The following NFX1 variants were observed in gnomAD, a reference collection of about 807,000 sequenced individuals.
NFX1 encodes the protein transcriptional repressor NF-X1.
A neutral mutation model predicts 137.2 loss-of-function variants in NFX1; 69 were observed. The ratio of observed to expected loss-of-function variants is 0.50; its 90% CI spans 0.41 to 0.61. The LOEUF is 0.61. NFX1 is among the 20% of genes least tolerant of loss of function. The probability of loss-of-function intolerance (pLI) is 0.00; values close to 1 mark genes in which losing one functional copy is unlikely to be tolerated. For synonymous variants in NFX1, 495 were observed against 474.1 expected, an observed-to-expected ratio of 1.04 and a Z score of -0.57; for missense variants, 1,167 against 1,391.0, an observed-to-expected ratio of 0.84 and a Z score of 2.56.
At chr9:33,311,757 T>G (rs1488700457) in intron 6 of NFX1, among the ~76,000 whole-genome samples, 3 of 152,200 alleles carry the variant, frequency 2.0e-5, no homozygotes, top group Non-Finnish European at 4.4e-5. Flanking sequence ...TTCACCATCT[T>G]GGCCAGGCTG....
At chr9:33,299,911 A>G (rs1193439673) in intron 2 of NFX1, among the ~76,000 whole-genome samples, 1 of 152,120 alleles carries the variant, frequency 6.6e-6, no homozygotes, top group East Asian at 1.9e-4. Context: ...TAGGAGAGCC[A>G]ATATTATGGA....
Position 33,344,065 on chromosome 9 carries a change from C to T in NFX1, c.2225-4C>T. Reference sequence around the variant, plus strand: ...TTCTTTTGTTTTACCTGCTGCTCCACCAGGTTTTGATGAATTAACCTGCCA... The same window carrying T: ...TTCTTTTGTTTTACCTGCTGCTCCATCAGGTTTTGATGAATTAACCTGCCA... On this transcript the variant is annotated splice_region_variant and splice_polypyrimidine_tract_variant and intron_variant, in intron 13 of 23. Coordinates refer to ENST00000379540, the MANE Select transcript of NFX1 (RefSeq NM_002504.6). The T allele has an allele frequency of 1.9e-6, 3 of 1,613,912 alleles. No homozygotes were observed. Among genetic ancestry groups the T allele is most frequent in the Non-Finnish European group, 2.5e-6 (3 of 1,179,864 alleles).
chr9:33,367,517 G>A lies in NFX1; in HGVS notation c.3188G>A (p.Gly1063Glu). ...KRNVVVTAIRGKSVCPPTTLT... is the reference protein window; with the variant it reads ...KRNVVVTAIREKSVCPPTTLT... ...CTTGGTGTTTTGACTTTTATCAGGG[G>A]GAAGTCCGTTTGTCCTCCTACCACG... The change falls in exon 23 of 24, where the codon GGG becomes GAG. Residue 1063 changes from glycine (G) to glutamate (E), a missense_variant and splice_region_variant. This residue lies in a region of NFX1 where 312 missense variants were observed against 312.8 expected (regional missense o/e 1.00). Coordinates refer to ENST00000379540, the MANE Select transcript of NFX1 (RefSeq NM_002504.6). 5 of 1,613,704 alleles carry A rather than the reference G, an allele frequency of 3.1e-6. No homozygotes were observed. Among genetic ancestry groups the A allele is most frequent in the Non-Finnish European group, 4.2e-6 (5 of 1,179,750 alleles).
intron 19 of NFX1, among the ~76,000 whole-genome samples, chr9:33,363,033 G>A (rs944515796): frequency 1.3e-5 from 2 of 151,830 alleles, no homozygotes; most frequent in Admixed American, 6.6e-5. Flanking sequence ...GCACACTGGG[G>A]TGATGATGGT....
rs138409735 is a variant in NFX1, at chr9:33,343,112, A to G, written c.2224+258A>G. On this transcript the variant is annotated intron_variant, in intron 13 of 23. Transcript: ENST00000379540. ...ATTCCTTCTCTGCTACATGCCTCAT[A>G]TGTGTTATTGACCTAGGTTCTGTCC... Among the ~76,000 whole-genome samples, 1,196 of 152,206 alleles carry G rather than the reference A, an allele frequency of 7.9e-3. 16 individuals are homozygous for G. Among genetic ancestry groups the G allele is most frequent in the African/African-American group, 0.027 (1,116 of 41,518 alleles).
chr9:33,327,086 A>G (rs1564122824), intron 9 of NFX1, among the ~76,000 whole-genome samples: 1 of 152,262 alleles, frequency 6.6e-6, no homozygotes, highest in African/African-American at 2.4e-5. Context: ...ATAACAAAAA[A>G]GACATGAGAC....
intron 21 of NFX1, among the ~76,000 whole-genome samples, chr9:33,366,242 A>C (rs1824165591): frequency 6.6e-6 from 1 of 152,166 alleles, no homozygotes; most frequent in South Asian, 2.1e-4. Flanking sequence ...CACGATTTTT[A>C]AAGTAGAACA....
Position 33,366,745 on chromosome 9 carries a change from G to T in NFX1, c.3156G>T (p.Pro1052=). ...GLESVSYDSE[P]KRNVVVTAIR... ...AGAGCGTGAGCTATGACAGTGAACCGAAGCGCAATGTGGTGGTCACTGCCA... is the reference window on the plus strand; with the variant it reads ...AGAGCGTGAGCTATGACAGTGAACCTAAGCGCAATGTGGTGGTCACTGCCA... Residue 1052 remains proline (P), a synonymous_variant, in exon 22 of 24, where the codon CCG becomes CCT. Coordinates refer to ENST00000379540, the MANE Select transcript of NFX1 (RefSeq NM_002504.6). 1 of 1,614,146 alleles carries T rather than the reference G, an allele frequency of 6.2e-7. No homozygotes were observed. The highest frequency in any genetic ancestry group is 1.1e-5 in the South Asian group (1 of 91,076).
chr9:33,366,865 A>G, intron 22 of NFX1, 91 bp downstream of exon 22: 1 of 1,422,138 alleles, frequency 7.0e-7, no homozygotes, highest in Admixed American at 2.3e-5. Context: ...CTTTCTTACT[A>G]CCACTCTCCC....
Position 33,354,861 on chromosome 9 carries a change from G to A in NFX1, c.2842G>A (p.Asp948Asn). 1 of 1,613,944 alleles carries A rather than the reference G, an allele frequency of 6.2e-7. No homozygotes were observed. The highest frequency in any genetic ancestry group is 1.1e-5 in the South Asian group (1 of 91,044). The change falls in exon 19 of 24, where the codon GAT (aspartate) becomes AAT (asparagine). Residue 948 changes from aspartate (D) to asparagine (N), a missense_variant. Physicochemically the swap from Asp to Asn is conservative, Grantham distance 23 (BLOSUM62 1). Transcript: ENST00000379540. The stretch of plus-strand genomic sequence containing the variant: ...CATTTGCTTATCAAGGCTGGAGTGT[G>A]ATGAGGAGTGTTCAGCCTTGGAAAG... ...KEVHQARLEC[D>N]EECSALERKK...
Position 33,363,437 on chromosome 9 carries a change from C to T in NFX1, c.2874-573C>T, listed in dbSNP as rs1450773915. ...CAGCTAGGATTACAGGCACGTGCTA[C>T]CACACCCGGCTAATTTTTGTATTTT... On this transcript the variant is annotated intron_variant, in intron 19 of 23. Coordinates refer to ENST00000379540, the MANE Select transcript of NFX1 (RefSeq NM_002504.6). Among the ~76,000 whole-genome samples, 7 of 151,884 alleles carry T rather than the reference C, an allele frequency of 4.6e-5. No homozygotes were observed. The East Asian group carries it at 1.4e-3, about 29-fold the overall frequency.
chr9:33,337,833 G>A (rs1823063756), intron 11 of NFX1, among the ~76,000 whole-genome samples: 1 of 152,186 alleles, frequency 6.6e-6, no homozygotes, highest in Non-Finnish European at 1.5e-5. Flanking sequence ...TGAATCACCT[G>A]AGGTCAGGTG....
rs148888179 is a variant in NFX1, at chr9:33,367,551, T to C, written c.3222T>C (p.Gly1074=). The change falls in exon 23 of 24, where the codon GGT becomes GGC. Residue 1074 remains glycine (G), a synonymous_variant. Coordinates refer to ENST00000379540, the MANE Select transcript of NFX1 (RefSeq NM_002504.6). Reference sequence around the variant, plus strand: ...TTTGTCCTCCTACCACGCTGACAGGTGTGCTTGAAAGGGAAATGCAGGCAC... The same window carrying C: ...TTTGTCCTCCTACCACGCTGACAGGCGTGCTTGAAAGGGAAATGCAGGCAC... ...KSVCPPTTLT[G]VLEREMQARP... The C allele has an allele frequency of 1.3e-3, 2,155 of 1,613,944 alleles. 29 individuals carry two copies. In the African/African-American group the frequency reaches 0.026, roughly 19 times the overall value.
At position 33,336,772 on chromosome 9, in the gene NFX1, T is replaced by G. The variant is rs140820791; in HGVS notation, c.2036-1738T>G. Among the ~76,000 whole-genome samples the G allele has an allele frequency of 5.8e-4, 89 of 152,250 alleles. 1 individual carries two copies. The highest frequency in any genetic ancestry group is 2.1e-3 in the African/African-American group (87 of 41,556). On this transcript the variant is annotated intron_variant, in intron 11 of 23. Coordinates refer to ENST00000379540, the MANE Select transcript of NFX1 (RefSeq NM_002504.6). The stretch of plus-strand genomic sequence containing the variant: ...TGTGCCACCATGCCCTTTGCTTAAT[T>G]AACTTTTAATTAAGTTTTAAAAACT...
chr9:33,333,188 A>AAAATGGCTTCAAAAAGG (rs1242722881), intron 11 of NFX1, among the ~76,000 whole-genome samples: 9 of 152,328 alleles, frequency 5.9e-5, no homozygotes, highest in Middle Eastern at 3.4e-3. Context: ...TGTTGAAGCC[A>AAAATGGCTTCAAAAAGG]TTTTAAAACC....
At chr9:33,307,339 C>G in intron 5 of NFX1, 40 bp downstream of exon 5, 1 of 1,548,768 alleles carries the variant, frequency 6.5e-7, no homozygotes, top group Non-Finnish European at 8.9e-7. Context: ...TGCTGGTGGA[C>G]ATGCTTTGCT....
chr9:33,348,343 C>G (rs1361245976), intron 15 of NFX1: 1 of 151,898 alleles, frequency 6.6e-6, no homozygotes, highest in African/African-American at 2.4e-5. Flanking sequence ...CAGAGCAAGA[C>G]TCCGTCTCGA....
At chr9:33,351,044 T>C (rs1203763060) in intron 15 of NFX1, among the ~76,000 whole-genome samples, 1 of 152,190 alleles carries the variant, frequency 6.6e-6, no homozygotes, top group Admixed American at 6.5e-5. Context: ...CTCGGGAGGC[T>C]GAGGCTGGAG....
intron 20 of NFX1, 29 bp downstream of exon 20, chr9:33,364,137 T>G (rs200043515): frequency 6.6e-7 from 1 of 1,522,958 alleles, no homozygotes. Flanking sequence ...GCTTTCTTAA[T>G]TGTGGCTTGT....
Sources: allele counts gnomAD v4.1 joint callset (sites outside exome capture counted in the v4.1 genomes callset), GRCh38; gene constraint gnomAD v4.1.1; regional missense constraint gnomAD v4.1.1; transcripts MANE v1.5; gene names NCBI Gene and HGNC (gene_info 2026-07-23, HGNC 2026-07-21).